RGS5: variants seen among roughly 807,000 people sequenced by gnomAD.
The protein encoded by RGS5 is regulator of G-protein signalling 5.
RGS5 carries 20 observed loss-of-function variants against 18.9 expected under a neutral mutation model. The observed-to-expected ratio is 1.06, with a 90% CI of 0.74 to 1.54. The LOEUF is 1.54. Ranked by LOEUF, RGS5 falls within the 40% of genes most tolerant of loss-of-function variation. The pLI is 0.00. For synonymous variants in RGS5, 57 were observed against 76.2 expected, an observed-to-expected ratio of 0.75 and a Z score of 1.31; for missense variants, 201 against 211.8, an observed-to-expected ratio of 0.95 and a Z score of 0.32.
intron 2 of RGS5, among the ~76,000 whole-genome samples, chr1:163,303,194 ATT>A (rs1649596682): frequency 6.6e-6 from 1 of 152,236 alleles, no homozygotes; most frequent in Admixed American, 6.5e-5. Flanking sequence ...AAAAATCTTC[ATT>A]CTTTATGTAA....
At chr1:163,259,357 G>A (rs1379761824) in intron 2 of RGS5, among the ~76,000 whole-genome samples, 2 of 151,428 alleles carry the variant, frequency 1.3e-5, no homozygotes, top group African/African-American at 4.9e-5. Context: ...GTAGAGACGG[G>A]GTTTCACCGT....
In RGS5 at chr1:163,243,643, C is replaced by CAAAAAA. The variant is rs3069033; in HGVS notation, c.-281+62584_-281+62589dup. 2.3e-3 allele frequency among the ~76,000 whole-genome samples: 127 copies of CAAAAAA among 55,044 alleles called. 3 individuals are homozygous for CAAAAAA. Among genetic ancestry groups the CAAAAAA allele is most frequent in the Non-Finnish European group, 3.2e-3 (102 of 31,742 alleles). The allele number at this position is 55,044 out of a possible 152,430, so 36.1% of individuals were successfully genotyped here. ...TGGGCGACAGAGCAAGACTCCGTCT[C>CAAAAAA]AAAAAAAAAAAAAAAAAAAAAACCT... On this transcript the variant is annotated intron_variant, in intron 2 of 5. Coordinates refer to the RGS5 transcript ENST00000618415.
chr1:163,164,812 G>T (rs1233368496), intron 2 of RGS5, among the ~76,000 whole-genome samples: 1 of 152,122 alleles, frequency 6.6e-6, no homozygotes, highest in African/African-American at 2.4e-5. Context: ...TGGGTTTTTT[G>T]TTTGTTTTTG....
chr1:163,261,331 T>A (rs1009751664), intron 2 of RGS5, among the ~76,000 whole-genome samples: 2 of 152,148 alleles, frequency 1.3e-5, no homozygotes, highest in Non-Finnish European at 2.9e-5. Flanking sequence ...TTCCTGCTCA[T>A]ACATAAAGAC....
intron 2 of RGS5, among the ~76,000 whole-genome samples, chr1:163,302,220 T>C (rs17358380): frequency 0.097 from 14,719 of 152,210 alleles, 980 homozygotes; most frequent in South Asian, 0.2. Context: ...TCCCAAAATG[T>C]GCCAGGTATA....
chr1:163,202,277 G>A (rs1177260323), intron 1 of RGS5, among the ~76,000 whole-genome samples: 1 of 152,050 alleles, frequency 6.6e-6, no homozygotes, highest in Non-Finnish European at 1.5e-5. Context: ...AGTCTACTAG[G>A]TGCCAGACAT....
intron 2 of RGS5, chr1:163,304,474 T>C (rs1649643990): frequency 6.6e-6 from 1 of 152,216 alleles, no homozygotes; most frequent in Admixed American, 6.5e-5. Flanking sequence ...TTAATATGCA[T>C]CTTCTCCAAG....
intron 2 of RGS5, among the ~76,000 whole-genome samples, chr1:163,165,202 C>A (rs1657988407): frequency 6.6e-6 from 1 of 152,176 alleles, no homozygotes; most frequent in Non-Finnish European, 1.5e-5. Flanking sequence ...TGAGCGTATG[C>A]AGGACAACTT....
chr1:163,233,702 G>T (rs966125543), intron 2 of RGS5, among the ~76,000 whole-genome samples: 5 of 152,160 alleles, frequency 3.3e-5, no homozygotes, highest in African/African-American at 1.2e-4. Context: ...TTTGCAGGCA[G>T]GGGGTGGATC....
intron 1 of RGS5, among the ~76,000 whole-genome samples, chr1:163,189,892 A>G (rs10799902): frequency 0.58 from 87,885 of 152,070 alleles, 26,847 homozygotes; most frequent in East Asian, 0.72. Context: ...CACTTAAGCT[A>G]CAATGAAATT....
chr1:163,163,500 G>A (rs1657900974), intron 2 of RGS5, among the ~76,000 whole-genome samples: 1 of 151,894 alleles, frequency 6.6e-6, no homozygotes, highest in Admixed American at 6.6e-5. Flanking sequence ...AAAATGGCAT[G>A]AACGGGGTGA....
intron 3 of RGS5, among the ~76,000 whole-genome samples, chr1:163,158,621 G>A (rs1341792177): frequency 1.3e-5 from 2 of 152,168 alleles, no homozygotes; most frequent in Non-Finnish European, 2.9e-5. Context: ...AGGGGAAGGA[G>A]TGTATGAATA....
At chr1:163,215,852 G>A (rs1265808770) in intron 1 of RGS5, among the ~76,000 whole-genome samples, 1 of 151,968 alleles carries the variant, frequency 6.6e-6, no homozygotes, top group African/African-American at 2.4e-5. Context: ...ATCACTAGAG[G>A]CCAGAAGTTT....
intron 2 of RGS5, among the ~76,000 whole-genome samples, chr1:163,233,658 A>G (rs1398613909): frequency 6.6e-6 from 1 of 152,162 alleles, no homozygotes; most frequent in African/African-American, 2.4e-5. Flanking sequence ...TAGTTCTTAT[A>G]GGTTTGGGAT....
chr1:163,321,051 C>T (rs1188312666), intron 1 of RGS5, among the ~76,000 whole-genome samples: 1 of 152,164 alleles, frequency 6.6e-6, no homozygotes, highest in Non-Finnish European at 1.5e-5. Flanking sequence ...GCCATGGCTT[C>T]CTAACTTGTG....
chr1:163,207,582 A>C (rs191443590), upstream of RGS5, among the ~76,000 whole-genome samples: 2 of 152,300 alleles, frequency 1.3e-5, no homozygotes, highest in South Asian at 2.1e-4. Flanking sequence ...TTGAGCTTCT[A>C]TTCATATACA....
At chr1:163,191,894 T>C (rs1470742628) in intron 1 of RGS5, among the ~76,000 whole-genome samples, 1 of 152,124 alleles carries the variant, frequency 6.6e-6, no homozygotes, top group Non-Finnish European at 1.5e-5. Context: ...GAGTTAATAA[T>C]CAAATATACT....
upstream of RGS5, among the ~76,000 whole-genome samples, chr1:163,205,266 C>T (rs1280998287): frequency 6.7e-6 from 1 of 148,976 alleles, no homozygotes; most frequent in African/African-American, 2.5e-5. Context: ...CAACATTGTG[C>T]CCATAGTTAG....
rs80166686 is a variant in RGS5 at position 163,292,011 on chromosome 1, T to A, written c.-281+14222A>T. The stretch of plus-strand genomic sequence containing the variant: ...GCCCAAATAGAAATGATTTTTTTTT[T>A]AATTTTCAACTTTTAAGTTCAGGGG... On this transcript the variant is annotated intron_variant, in intron 2 of 5. Transcript: ENST00000618415. Among the ~76,000 whole-genome samples, 34 of 152,274 alleles carry A rather than the reference T, an allele frequency of 2.2e-4. 1 individual carries two copies. The highest frequency in any genetic ancestry group is 1.7e-3 in the East Asian group (9 of 5,178).
Sources: gnomAD v4.1 joint callset for allele counts (sites outside exome capture counted in the v4.1 genomes callset) on GRCh38, gnomAD v4.1.1 for gene constraint, MANE v1.5 for transcripts, NCBI Gene and HGNC (gene_info 2026-07-23, HGNC 2026-07-21) for gene names.